The following GNAZ variants were observed in gnomAD, a reference collection of about 807,000 sequenced individuals.
GNAZ encodes G protein subunit alpha z.
GNAZ carries 3 observed loss-of-function variants against 25.4 expected under a neutral mutation model. The ratio of observed to expected loss-of-function variants is 0.12; its 90% confidence interval spans 0.05 to 0.30. The LOEUF is 0.30. GNAZ is among the 10% of genes least tolerant of loss of function. GNAZ has a pLI of 1.00. For synonymous variants in GNAZ, 211 were observed against 205.7 expected, an observed-to-expected ratio of 1.03 and a Z score of -0.22; for missense variants, 241 against 501.8, an observed-to-expected ratio of 0.48 and a Z score of 4.97.
intron 1 of GNAZ, among the ~76,000 whole-genome samples, chr22:23,092,313 A>G (rs972916404): frequency 2.6e-5 from 4 of 152,164 alleles, no homozygotes; most frequent in African/African-American, 9.7e-5. Context: ...AACCACAGCC[A>G]GGCTCCCAAC....
chr22:23,088,518 G>T (rs909388799), intron 1 of GNAZ, among the ~76,000 whole-genome samples: 27 of 152,196 alleles, frequency 1.8e-4, no homozygotes, highest in African/African-American at 6.3e-4. Context: ...GATGGGGGTG[G>T]GGCAGTGCTG....
intron 1 of GNAZ, among the ~76,000 whole-genome samples, chr22:23,081,136 G>T (rs1490742983): frequency 1.3e-5 from 2 of 152,236 alleles, no homozygotes; most frequent in Non-Finnish European, 2.9e-5. Context: ...AAAAGCCGTG[G>T]TTAGGTTTGG....
At position 23,071,280 on chromosome 22, in the gene GNAZ, G is replaced by C. The variant is rs117359599; in HGVS notation, c.-450+710G>C. On this transcript the variant is annotated intron_variant, in intron 1 of 2. Transcript: ENST00000615612. This position sits in a 1 kb window ranked among gnomAD's most constrained non-coding sequence, Gnocchi z 4.1. ...CGTATCCTGCGGGCGATCCGAGGGG[G>C]CTCTGCCTTTAGGGCGGTGCTGAGC... Among the ~76,000 whole-genome samples the C allele has an allele frequency of 0.021, 3,140 of 152,328 alleles. 53 individuals are homozygous for C. Among genetic ancestry groups the C allele is most frequent in the Non-Finnish European group, 0.029 (1,975 of 68,018 alleles).
intron 2 of GNAZ, among the ~76,000 whole-genome samples, chr22:23,103,248 C>G (rs1032907125): frequency 6.6e-6 from 1 of 152,194 alleles, no homozygotes; most frequent in African/African-American, 2.4e-5. Context: ...AATCACACCC[C>G]AGGAACTGGC....
At chr22:23,109,597 G>C (rs1026475082) in intron 2 of GNAZ, among the ~76,000 whole-genome samples, 1 of 152,174 alleles carries the variant, frequency 6.6e-6, no homozygotes, top group African/African-American at 2.4e-5. Flanking sequence ...TGAGAGCCAT[G>C]GAGTGGCAGA....
At chr22:23,090,164 T>C (rs2068928754) in intron 1 of GNAZ, among the ~76,000 whole-genome samples, 3 of 152,146 alleles carry the variant, frequency 2.0e-5, no homozygotes, top group Non-Finnish European at 4.4e-5. Context: ...AGCAGGGTCC[T>C]GTACCACAGG....
At chr22:23,084,692 G>A (rs1317476547) in intron 1 of GNAZ, among the ~76,000 whole-genome samples, 1 of 152,198 alleles carries the variant, frequency 6.6e-6, no homozygotes, top group Non-Finnish European at 1.5e-5. Context: ...ATGCAGCCTT[G>A]AGAGCTGCAG....
At chr22:23,089,633 G>T (rs939435747) in intron 1 of GNAZ, among the ~76,000 whole-genome samples, 1 of 152,182 alleles carries the variant, frequency 6.6e-6, no homozygotes, top group Non-Finnish European at 1.5e-5. Flanking sequence ...ACTTGAGAGG[G>T]CCACGTCTGG....
chr22:23,102,588 C>A (rs1013203756), intron 2 of GNAZ, among the ~76,000 whole-genome samples: 11 of 152,340 alleles, frequency 7.2e-5, no homozygotes, highest in Admixed American at 2.6e-4. Context: ...GGGCTCAAGC[C>A]CTGCTGCTTG....
At chr22:23,115,859 A>G (rs1327692488) in intron 2 of GNAZ, among the ~76,000 whole-genome samples, 1 of 152,242 alleles carries the variant, frequency 6.6e-6, no homozygotes, top group Non-Finnish European at 1.5e-5. Flanking sequence ...AGAGTTACTC[A>G]TTCCTTCATC....
At position 23,124,053 on chromosome 22, in the gene GNAZ, G is replaced by A. The variant is rs2070105980; in HGVS notation, c.*622G>A. ...CACTCACAGCTCTTTTTAAAAAACA[G>A]CTTCAAAATATGCAGCAAAAACCAA... is the stretch of plus-strand genomic sequence containing the variant. On this transcript the variant is annotated 3_prime_UTR_variant, in exon 3 of 3. Transcript: ENST00000615612. 1 of 230,334 alleles carries A rather than the reference G, an allele frequency of 4.3e-6. No individual in the cohort carries two copies. The highest frequency in any genetic ancestry group is 8.8e-6 in the Non-Finnish European group (1 of 113,454). 14.3% of individuals were successfully genotyped at this position (230,334 alleles called of 1,614,324 possible).
chr22:23,082,220 G>C (rs1470880074), intron 1 of GNAZ, among the ~76,000 whole-genome samples: 1 of 149,840 alleles, frequency 6.7e-6, no homozygotes. Context: ...TTTTGTTTTT[G>C]TTTGTTTGTT....
At chr22:23,097,350 C>T (rs2069154836) in intron 2 of GNAZ, among the ~76,000 whole-genome samples, 1 of 152,220 alleles carries the variant, frequency 6.6e-6, no homozygotes, top group Non-Finnish European at 1.5e-5. Flanking sequence ...CAGCGGAGAG[C>T]AACAATGGTT....
At chr22:23,118,618 C>G (rs1156463075) in intron 2 of GNAZ, among the ~76,000 whole-genome samples, 1 of 152,210 alleles carries the variant, frequency 6.6e-6, no homozygotes, top group Non-Finnish European at 1.5e-5. Flanking sequence ...AGGCCTTGGG[C>G]CCCATATGTG....
At chr22:23,118,007 G>A (rs1276249604) in intron 2 of GNAZ, among the ~76,000 whole-genome samples, 1 of 152,198 alleles carries the variant, frequency 6.6e-6, no homozygotes, top group Non-Finnish European at 1.5e-5. Flanking sequence ...ACGTTCAGGG[G>A]AAATACCCCA....
At chr22:23,089,838 G>A (rs543246951) in intron 1 of GNAZ, among the ~76,000 whole-genome samples, 10 of 152,124 alleles carry the variant, frequency 6.6e-5, no homozygotes, top group Non-Finnish European at 1.0e-4. Context: ...GTGAGTCAAG[G>A]ACCAGGATGG....
intron 2 of GNAZ, among the ~76,000 whole-genome samples, chr22:23,121,316 C>T (rs1463883601): frequency 1.3e-5 from 2 of 152,180 alleles, no homozygotes; most frequent in Admixed American, 6.5e-5. Flanking sequence ...ATGACGGGTA[C>T]CTCTGGGTAT....
intron 2 of GNAZ, among the ~76,000 whole-genome samples, chr22:23,099,945 C>T (rs752621796): frequency 1.3e-5 from 2 of 152,264 alleles, no homozygotes; most frequent in Non-Finnish European, 2.9e-5. Flanking sequence ...CTCTGCTGGC[C>T]ACCAAATGGT....
Position 23,123,732 on chromosome 22 carries a change from TGCCCCTTCAC to T in GNAZ, c.*302_*311del. The T allele has an allele frequency of 1.3e-5, 5 of 378,550 alleles. No individual in the cohort carries two copies. Among genetic ancestry groups the T allele is most frequent in the South Asian group, 3.7e-5 (1 of 27,146 alleles). 23.4% of individuals were successfully genotyped at this position (378,550 alleles called of 1,614,324 possible). ...TCACAAGGTCACTACAAGCCCAACC[TGCCCCTTCAC>T]TTTGCCTTCCTGAGTTGGCCCCACT... On this transcript the variant is annotated 3_prime_UTR_variant, in exon 3 of 3. Coordinates refer to ENST00000615612, the MANE Select transcript of GNAZ (RefSeq NM_002073.4).
Sources: allele counts gnomAD v4.1 joint callset (sites outside exome capture counted in the v4.1 genomes callset), GRCh38; gene constraint gnomAD v4.1.1; non-coding constraint Gnocchi (gnomAD v3.1); transcripts MANE v1.5; gene names NCBI Gene and HGNC (gene_info 2026-07-23, HGNC 2026-07-21).